The following C16orf89 variants were observed in gnomAD, a reference collection of about 807,000 sequenced individuals.
C16orf89 encodes the protein chromosome 16 open reading frame 89.
C16orf89 carries 57 observed loss-of-function variants against 41.5 expected under a neutral mutation model. The observed-to-expected ratio is 1.38, with a 90% CI of 1.11 to 1.71. C16orf89 has a LOEUF of 1.71. Ranked by LOEUF, C16orf89 falls within the 40% of genes most tolerant of loss-of-function variation. C16orf89 has a pLI of 0.00. For synonymous variants in C16orf89, 223 were observed against 190.6 expected (o/e 1.17, Z -1.40); for missense variants, 575 against 445.9 (o/e 1.29, Z -2.61).
At chr16:5,060,176 C>T (rs1956586428) in intron 3 of C16orf89, 110 bp downstream of exon 3, 2 of 1,351,490 alleles carry the variant, frequency 1.5e-6, no homozygotes, top group Non-Finnish European at 2.0e-6. Flanking sequence ...CCTGTGTCTG[C>T]ACAAACCCCT....
rs1029486182 is a variant in C16orf89 at position 5,055,614 on chromosome 16, G to T, written c.764-264C>A. On this transcript the variant is annotated intron_variant, in intron 5 of 7. Coordinates refer to ENST00000472572, the MANE Select transcript of C16orf89 (RefSeq NM_001098514.3). ...TCAGTGGAGGAGTTTGGACACCCCA[G>T]CCAGCTAGCAGCCTCCCAAGCGCTC... 64 of 1,421,146 alleles carry T rather than the reference G, an allele frequency of 4.5e-5. No homozygotes were observed. In the Middle Eastern group the frequency reaches 1.5e-3, roughly 34 times the overall value. The allele number at this position is 1,421,146 out of a possible 1,614,324, so 88.0% of individuals were successfully genotyped here.
At chr16:5,058,037 C>T (rs1956545096) in intron 4 of C16orf89, among the ~76,000 whole-genome samples, 5 of 152,120 alleles carry the variant, frequency 3.3e-5, no homozygotes, top group Admixed American at 3.3e-4. Context: ...CTTCTCCCTC[C>T]TGAGGTCCCA....
chr16:5,047,429 A>T (rs1312267741), intron 7 of C16orf89, among the ~76,000 whole-genome samples: 1 of 151,744 alleles, frequency 6.6e-6, no homozygotes, highest in Non-Finnish European at 1.5e-5. Context: ...ATGCTCCTTT[A>T]ACAAAAGACA....
intron 3 of C16orf89, among the ~76,000 whole-genome samples, chr16:5,060,070 G>A (rs1289368093): frequency 6.6e-6 from 1 of 152,092 alleles, no homozygotes; most frequent in Admixed American, 6.5e-5. Context: ...GCTGCTGGAA[G>A]GCCTGCTGTG....
At chr16:5,052,804 T>G (rs1258472934) in intron 6 of C16orf89, among the ~76,000 whole-genome samples, 2 of 152,186 alleles carry the variant, frequency 1.3e-5, no homozygotes, top group Non-Finnish European at 2.9e-5. Flanking sequence ...AGGAAATTGG[T>G]ATGTTGAAGA....
At chr16:5,052,349 G>A (rs1391303819) in intron 6 of C16orf89, among the ~76,000 whole-genome samples, 1 of 152,152 alleles carries the variant, frequency 6.6e-6, no homozygotes. Context: ...AGCACTTTAG[G>A]AGGCCGTGGC....
chr16:5,046,349 T>TATTTC (rs1001835971), intron 7 of C16orf89, among the ~76,000 whole-genome samples: 10 of 152,080 alleles, frequency 6.6e-5, no homozygotes, highest in African/African-American at 2.4e-4. Context: ...TATTTTATTT[T>TATTTC]ATTTTATTAT....
chr16:5,062,672 C>A, intron 1 of C16orf89, 98 bp from the exon 2 acceptor site: 2 of 1,315,200 alleles, frequency 1.5e-6, no homozygotes, highest in South Asian at 3.0e-5. Flanking sequence ...CTAATGCTTC[C>A]TGGGAGCCTC....
chr16:5,060,512 C>G (rs533225551), intron 2 of C16orf89, 76 bp from the exon 3 acceptor site: 1 of 1,437,064 alleles, frequency 7.0e-7, no homozygotes, highest in African/African-American at 1.4e-5. Flanking sequence ...GTGTCCCCAC[C>G]TCCTCCTGCA....
rs748355808 is a variant in C16orf89 at position 5,060,375 on chromosome 16, A to C, written c.420T>G (p.Asp140Glu). 6.8e-6 allele frequency: 11 copies of C among 1,613,486 alleles called. No individual in the cohort carries two copies. In the South Asian group the frequency reaches 1.1e-4, roughly 16 times the overall value. ...WKLPHAWIHT[D>E]ASLVYPTFGP... The stretch of plus-strand genomic sequence containing the variant: ...CGAACGTGGGGTACACCAAGGAGGC[A>C]TCAGTGTGGATCCAGGCATGTGGGA... Residue 140 changes from aspartate to glutamate, a missense_variant, in exon 3 of 8, where the codon GAT (aspartate) becomes GAG (glutamate). Coordinates refer to ENST00000472572, the MANE Select transcript of C16orf89 (RefSeq NM_001098514.3).
At chr16:5,049,450 A>G (rs1381320766) in intron 6 of C16orf89, among the ~76,000 whole-genome samples, 1 of 152,254 alleles carries the variant, frequency 6.6e-6, no homozygotes, top group Non-Finnish European at 1.5e-5. Context: ...ACCATATGTT[A>G]GGCCAAAAAA....
chr16:5,047,827 C>T (rs1956327036), intron 7 of C16orf89, 51 bp downstream of exon 7: 3 of 1,057,408 alleles, frequency 2.8e-6, no homozygotes, highest in Middle Eastern at 2.0e-4. Context: ...CTCTGTTTTG[C>T]TAGGATATCT....
In C16orf89 at chr16:5,062,407, C is replaced by A. The variant is rs756144893; in HGVS notation, c.358+18G>T. ...AGGCGCTATTCCTGAGGGAATGGGA[C>A]ACCCTGCGTGTGCTCACCTCTTAGG... On this transcript the variant is annotated intron_variant, in intron 2 of 7. Coordinates refer to ENST00000472572, the MANE Select transcript of C16orf89 (RefSeq NM_001098514.3). 6.9e-6 allele frequency: 11 copies of A among 1,596,532 alleles called. No individual in the cohort carries two copies. Among genetic ancestry groups the A allele is most frequent in the Non-Finnish European group, 9.4e-6 (11 of 1,171,440 alleles).
chr16:5,060,097 G>A, intron 3 of C16orf89, 189 bp downstream of exon 3: 1 of 579,314 alleles, frequency 1.7e-6, no homozygotes, highest in Non-Finnish European at 2.7e-6. Context: ...GAGGCCAGCG[G>A]GCGGCTGGAG....
chr16:5,062,362 A>G, intron 2 of C16orf89, 63 bp downstream of exon 2: 2 of 1,515,228 alleles, frequency 1.3e-6, no homozygotes, highest in Admixed American at 3.9e-5. Flanking sequence ...ACGCTGGGTT[A>G]TTTCAGTCAA....
chr16:5,061,351 T>A (rs1227674748), intron 2 of C16orf89, among the ~76,000 whole-genome samples: 1 of 141,934 alleles, frequency 7.0e-6, no homozygotes, highest in Non-Finnish European at 1.5e-5. Context: ...GAAAATCACT[T>A]GAACCCAGGT....
At chr16:5,046,073 G>C (rs1680327353) in intron 7 of C16orf89, among the ~76,000 whole-genome samples, 1 of 152,142 alleles carries the variant, frequency 6.6e-6, no homozygotes, top group Non-Finnish European at 1.5e-5. Context: ...TAAAGGCCTA[G>C]CTAGGGTAGG....
chr16:5,045,325 G>A (rs1956275482), intron 7 of C16orf89, among the ~76,000 whole-genome samples: 1 of 152,196 alleles, frequency 6.6e-6, no homozygotes, highest in Admixed American at 6.5e-5. Context: ...AGTTGCCTCT[G>A]GTCTGCCTGG....
At chr16:5,050,804 C>T (rs1034310606) in intron 6 of C16orf89, among the ~76,000 whole-genome samples, 1 of 152,208 alleles carries the variant, frequency 6.6e-6, no homozygotes, top group Non-Finnish European at 1.5e-5. Flanking sequence ...CTACTTTGAC[C>T]ACTTCCAGTA....
Sources: allele counts gnomAD v4.1 joint callset (sites outside exome capture counted in the v4.1 genomes callset), GRCh38; gene constraint gnomAD v4.1.1; transcripts MANE v1.5; gene names NCBI Gene and HGNC (gene_info 2026-07-23, HGNC 2026-07-21).